NAA11: variants seen among roughly 807,000 people sequenced by gnomAD.
NAA11 encodes the protein N-alpha-acetyltransferase 11.
NAA11 carries 15 observed loss-of-function variants against 16.1 expected under a neutral mutation model. That is an observed-to-expected ratio of 0.93 (90% CI 0.62 to 1.44). The LOEUF (loss-of-function observed/expected upper bound fraction) is 1.44, where lower values mean the gene tolerates loss of function less well. NAA11 is among the 40% of genes most tolerant of loss of function. The pLI is 0.00. For synonymous variants in NAA11, 122 were observed against 112.4 expected, an observed-to-expected ratio of 1.09 and a Z score of -0.54; for missense variants, 298 against 291.3, an observed-to-expected ratio of 1.02 and a Z score of -0.17.
At chr4:79,298,059 GT>G (rs1560458862) in intron 1 of NAA11, among the ~76,000 whole-genome samples, 2 of 152,170 alleles carry the variant, frequency 1.3e-5, no homozygotes, top group Admixed American at 6.5e-5. Context: ...GAGGAGCTAC[GT>G]TTTCTGCTGG....
intron 2 of NAA11, among the ~76,000 whole-genome samples, chr4:79,246,861 G>A (rs1213881916): frequency 6.6e-6 from 1 of 152,174 alleles, no homozygotes; most frequent in African/African-American, 2.4e-5. Context: ...TAAAAGTTTG[G>A]TTTTTCTAAT....
chr4:79,267,113 A>C (rs1421672289), intron 2 of NAA11, among the ~76,000 whole-genome samples: 1 of 152,230 alleles, frequency 6.6e-6, no homozygotes, highest in Non-Finnish European at 1.5e-5. Flanking sequence ...ATAGTCAAGA[A>C]CATACACCTA....
chr4:79,193,547 A>G, the NAA11 span, among the ~76,000 whole-genome samples: 1 of 152,052 alleles, frequency 6.6e-6, no homozygotes, highest in Non-Finnish European at 1.5e-5. Context: ...GATATGCAGC[A>G]TTATTTCTGA....
the NAA11 span, among the ~76,000 whole-genome samples, chr4:79,159,618 G>A: frequency 5.7e-4 from 87 of 152,168 alleles, no homozygotes; most frequent in Admixed American, 9.2e-4. Context: ...TTAGGTTGGT[G>A]AAAAGTAATT....
At chr4:79,196,627 T>C in the NAA11 span, among the ~76,000 whole-genome samples, 1 of 151,970 alleles carries the variant, frequency 6.6e-6, no homozygotes, top group South Asian at 2.1e-4. Context: ...AGCCATGTGG[T>C]AGACAGAAAA....
chr4:79,288,223 T>C (rs943741430), intron 2 of NAA11, among the ~76,000 whole-genome samples: 1 of 152,092 alleles, frequency 6.6e-6, no homozygotes, highest in African/African-American at 2.4e-5. Context: ...ATGGGGTGTT[T>C]TTTCCCCCAG....
At chr4:79,325,125 G>T in intron 1 of NAA11, 51 bp downstream of exon 1, 1 of 1,456,144 alleles carries the variant, frequency 6.9e-7, no homozygotes, top group African/African-American at 1.4e-5. Context: ...GGCCAAGGCA[G>T]GATGCAGGGA....
At chr4:79,229,881 A>G (rs1721415612) in intron 2 of NAA11, among the ~76,000 whole-genome samples, 2 of 151,974 alleles carry the variant, frequency 1.3e-5, no homozygotes, top group South Asian at 4.1e-4. Flanking sequence ...TAACCATTAT[A>G]CTATTCTGCC....
At chr4:79,221,681 T>A (rs1482330212), downstream of NAA11, among the ~76,000 whole-genome samples, 1 of 110,288 alleles carries the variant, frequency 9.1e-6, no homozygotes, top group Non-Finnish European at 2.1e-5. Context: ...TTACATTTGT[T>A]GATTTGCGAA....
chr4:79,172,243 G>A, the NAA11 span, among the ~76,000 whole-genome samples: 1 of 151,974 alleles, frequency 6.6e-6, no homozygotes, highest in Non-Finnish European at 1.5e-5. Context: ...AATCAGTGAG[G>A]ATATGCTCCC....
chr4:79,207,689 T>A, the NAA11 span, among the ~76,000 whole-genome samples: 1 of 152,114 alleles, frequency 6.6e-6, no homozygotes, highest in African/African-American at 2.4e-5. Flanking sequence ...ACTAAACTGA[T>A]CAAGAAAGTT....
At chr4:79,323,030 C>T (rs1362544259) in intron 1 of NAA11, among the ~76,000 whole-genome samples, 2 of 152,144 alleles carry the variant, frequency 1.3e-5, no homozygotes, top group Non-Finnish European at 2.9e-5. Flanking sequence ...ATATAAACAT[C>T]AGTCTGTCTT....
At chr4:79,222,738 C>G (rs1721219394), downstream of NAA11, among the ~76,000 whole-genome samples, 1 of 150,222 alleles carries the variant, frequency 6.7e-6, no homozygotes, top group South Asian at 2.1e-4. Context: ...TTTTCACAAC[C>G]TACTCATCTG....
chr4:79,194,665 C>G, the NAA11 span, among the ~76,000 whole-genome samples: 212 of 152,198 alleles, frequency 1.4e-3, no homozygotes, highest in South Asian at 7.5e-3. Flanking sequence ...ACAGAAAATA[C>G]TCTAGGGGCT....
At chr4:79,319,829 G>A (rs1724039190) in intron 1 of NAA11, among the ~76,000 whole-genome samples, 1 of 152,160 alleles carries the variant, frequency 6.6e-6, no homozygotes, top group Non-Finnish European at 1.5e-5. Flanking sequence ...CTGTCAGTCT[G>A]TAGGTTTCTT....
chr4:79,236,969 C>CA (rs1721584380), intron 2 of NAA11, among the ~76,000 whole-genome samples: 1 of 152,124 alleles, frequency 6.6e-6, no homozygotes, highest in South Asian at 2.1e-4. Flanking sequence ...GACCCTTTCT[C>CA]AAAGCCTGGC....
the NAA11 span, among the ~76,000 whole-genome samples, chr4:79,188,400 G>A: frequency 6.6e-6 from 1 of 151,812 alleles, no homozygotes; most frequent in African/African-American, 2.4e-5. Flanking sequence ...CCTGGCTAAC[G>A]CGGTGAAACC....
chr4:79,202,356 C>T, the NAA11 span, among the ~76,000 whole-genome samples: 2 of 150,714 alleles, frequency 1.3e-5, no homozygotes, highest in African/African-American at 2.4e-5. Context: ...TACCATTTTC[C>T]TCATTATATT....
chr4:79,217,500 T>G, the NAA11 span, among the ~76,000 whole-genome samples: 1 of 152,150 alleles, frequency 6.6e-6, no homozygotes, highest in East Asian at 1.9e-4. Context: ...AAATCAAGGT[T>G]TAAAACAGAG....
Sources: allele counts gnomAD v4.1 joint callset (sites outside exome capture counted in the v4.1 genomes callset), GRCh38; gene constraint gnomAD v4.1.1; transcripts MANE v1.5; gene names NCBI Gene and HGNC (gene_info 2026-07-23, HGNC 2026-07-21).